Variants in GRIK2 observed in about 807,000 individuals in gnomAD.
The protein encoded by GRIK2 is glutamate receptor ionotropic, kainate 2.
GRIK2 carries 32 observed loss-of-function variants against 100.3 expected under a neutral mutation model. The ratio of observed to expected loss-of-function variants is 0.32; its 90% CI spans 0.24 to 0.43. The LOEUF is 0.43. Ranked by LOEUF, GRIK2 falls within the 20% of genes least tolerant of loss-of-function variation. The probability of loss-of-function intolerance (pLI) is 1.00; values close to 1 mark genes in which losing one functional copy is unlikely to be tolerated. For missense variants in GRIK2, 843 were observed against 1,114.9 expected, an observed-to-expected ratio of 0.76 and a Z score of 3.47; for synonymous variants, 417 against 389.4, an observed-to-expected ratio of 1.07 and a Z score of -0.83.
chr6:102,068,057 G>A (rs1056885977), intron 16 of GRIK2, among the ~76,000 whole-genome samples: 4 of 151,766 alleles, frequency 2.6e-5, no homozygotes, highest in Non-Finnish European at 5.9e-5. Flanking sequence ...TTTATATAAT[G>A]TCATAGGAAA....
At chr6:101,830,206 G>GA in intron 10 of GRIK2, among the ~76,000 whole-genome samples, 1 of 151,936 alleles carries the variant, frequency 6.6e-6, no homozygotes. Context: ...ATGGTTCTGG[G>GA]AAACTGGCTA....
rs140405803 is a variant in GRIK2 at position 101,396,433 on chromosome 6, AT to A, written c.-293-2543del. 3.1e-3 allele frequency among the ~76,000 whole-genome samples: 465 copies of A among 151,618 alleles called. 1 individual carries two copies. The highest frequency in any genetic ancestry group is 0.01 in the African/African-American group (425 of 41,364). On this transcript the variant is annotated intron_variant, in intron 1 of 16. Coordinates refer to ENST00000369134, the MANE Select transcript of GRIK2 (RefSeq NM_021956.5). ...ATTCTGAATTGTGGTCTTTCTAGCA[AT>A]TTTTTTTTGTACTGACAATCAAGTA...
At chr6:101,590,844 C>G (rs1386890673) in intron 2 of GRIK2, among the ~76,000 whole-genome samples, 1 of 151,980 alleles carries the variant, frequency 6.6e-6, no homozygotes, top group Non-Finnish European at 1.5e-5. Context: ...CTATCTTTTA[C>G]TAGTTAATAA....
intron 2 of GRIK2, among the ~76,000 whole-genome samples, chr6:101,402,625 C>A (rs1775382428): frequency 6.6e-6 from 1 of 152,220 alleles, no homozygotes; most frequent in Non-Finnish European, 1.5e-5. Context: ...CGCCTTTGAT[C>A]CTGTGTTGGG....
At chr6:101,695,039 T>C (rs2128349064) in intron 7 of GRIK2, among the ~76,000 whole-genome samples, 1 of 151,410 alleles carries the variant, frequency 6.6e-6, no homozygotes, top group South Asian at 2.1e-4. Flanking sequence ...TCTAAATTCA[T>C]ATTATCATAT....
At chr6:101,655,728 A>G (rs759872366) in intron 4 of GRIK2, among the ~76,000 whole-genome samples, 16 of 152,330 alleles carry the variant, frequency 1.1e-4, no homozygotes, top group Non-Finnish European at 2.1e-4. Context: ...TGGACATGAC[A>G]AGATAACATA....
chr6:101,399,231 C>A lies in GRIK2; in HGVS notation c.-47C>A, dbSNP rs369245315. Reference sequence around the variant, plus strand: ...TTTCTACCCGAACCCAGGAGCCGAACGCTAGATCGGGGAAGTGGGTGCCGT... The same window carrying A: ...TTTCTACCCGAACCCAGGAGCCGAAAGCTAGATCGGGGAAGTGGGTGCCGT... On this transcript the variant is annotated 5_prime_UTR_variant, in exon 2 of 17. Coordinates refer to ENST00000369134, the MANE Select transcript of GRIK2 (RefSeq NM_021956.5). 6.6e-6 allele frequency: 6 copies of A among 909,904 alleles called. No homozygotes were observed. The highest frequency in any genetic ancestry group is 2.1e-4 in the Middle Eastern group (1 of 4,696). The allele number at this position is 909,904 out of a possible 1,614,324, so 56.4% of individuals were successfully genotyped here.
intron 2 of GRIK2, among the ~76,000 whole-genome samples, chr6:101,582,143 A>G (rs969919803): frequency 6.6e-6 from 1 of 152,048 alleles, no homozygotes; most frequent in Non-Finnish European, 1.5e-5. Flanking sequence ...ATAGGTATAC[A>G]TGTGCCATGG....
intron 10 of GRIK2, among the ~76,000 whole-genome samples, chr6:101,844,082 T>C (rs1036440125): frequency 6.6e-6 from 1 of 152,180 alleles, no homozygotes; most frequent in Non-Finnish European, 1.5e-5. Flanking sequence ...TTTTTAATTT[T>C]ACAGGGTGTA....
chr6:101,913,550 G>GCTTTA (rs1304315479), intron 12 of GRIK2, among the ~76,000 whole-genome samples: 25 of 151,554 alleles, frequency 1.6e-4, no homozygotes, highest in African/African-American at 5.3e-4. Context: ...GTGAATTAAG[G>GCTTTA]CTTTAACATA....
At chr6:101,801,692 A>G (rs187345030) in intron 8 of GRIK2, among the ~76,000 whole-genome samples, 47 of 152,034 alleles carry the variant, frequency 3.1e-4, no homozygotes, top group African/African-American at 1.1e-3. Context: ...GAATGGGAAA[A>G]CTTTTTACGT....
At chr6:101,987,260 C>T (rs560346218) in intron 14 of GRIK2, among the ~76,000 whole-genome samples, 23 of 151,834 alleles carry the variant, frequency 1.5e-4, no homozygotes, top group Admixed American at 4.6e-4. Flanking sequence ...TTTGTGTGGA[C>T]GGCATTGGTG....
intron 16 of GRIK2, among the ~76,000 whole-genome samples, chr6:102,064,420 T>TTCTTTC (rs1554199457): frequency 6.7e-6 from 1 of 148,888 alleles, no homozygotes; most frequent in Non-Finnish European, 1.5e-5. Flanking sequence ...CCTCCTTTCT[T>TTCTTTC]TCTTTCTCTC....
chr6:101,955,400 C>T (rs1791852384), intron 14 of GRIK2, among the ~76,000 whole-genome samples: 1 of 152,086 alleles, frequency 6.6e-6, no homozygotes, highest in South Asian at 2.1e-4. Context: ...GTCTGTAATC[C>T]TAACACTTTG....
In GRIK2 at chr6:102,047,554, C is replaced by T. The variant is rs913557436; in HGVS notation, c.2312-7776C>T. Among the ~76,000 whole-genome samples the T allele has an allele frequency of 1.3e-5, 2 of 151,962 alleles. 1 individual carries two copies. Among genetic ancestry groups the T allele is most frequent in the African/African-American group, 4.8e-5 (2 of 41,374 alleles). ...CACAAGGTCAGGAGTTCGAGACCAG[C>T]CTGGCCAACATGGTGAAACCCCATC... On this transcript the variant is annotated intron_variant, in intron 15 of 16. Coordinates refer to ENST00000369134, the MANE Select transcript of GRIK2 (RefSeq NM_021956.5).
At chr6:101,402,100 C>T (rs947964311) in intron 2 of GRIK2, among the ~76,000 whole-genome samples, 8 of 152,188 alleles carry the variant, frequency 5.3e-5, no homozygotes, top group African/African-American at 1.9e-4. Context: ...CTCCTGTCAC[C>T]TCCTGCGAGG....
rs145868145 is a variant in GRIK2, at chr6:101,938,376, T to G, written c.2085+9744T>G. 1.1e-4 allele frequency among the ~76,000 whole-genome samples: 17 copies of G among 152,232 alleles called. No individual in the cohort carries two copies. In the East Asian group the frequency reaches 3.3e-3, roughly 29 times the overall value. Reference sequence around the variant, plus strand: ...TTACATTCTTCCCCTTAACTCCAGATAGATCAGGAAAAGGACAAAATAAAT... The same window carrying G: ...TTACATTCTTCCCCTTAACTCCAGAGAGATCAGGAAAAGGACAAAATAAAT... On this transcript the variant is annotated intron_variant, in intron 14 of 16. Coordinates refer to ENST00000369134, the MANE Select transcript of GRIK2 (RefSeq NM_021956.5).
chr6:101,545,194 G>A (rs182226654), intron 2 of GRIK2, among the ~76,000 whole-genome samples: 5 of 152,212 alleles, frequency 3.3e-5, no homozygotes, highest in Admixed American at 3.3e-4. Context: ...ATGCCACTGG[G>A]GAGATGCTTA....
At chr6:102,003,687 T>C (rs1243611005) in intron 14 of GRIK2, among the ~76,000 whole-genome samples, 1 of 151,770 alleles carries the variant, frequency 6.6e-6, no homozygotes, top group Non-Finnish European at 1.5e-5. Flanking sequence ...CTGGAAAAAA[T>C]TAGACTACAA....
Sources: allele counts gnomAD v4.1 joint callset (sites outside exome capture counted in the v4.1 genomes callset), GRCh38; gene constraint gnomAD v4.1.1; transcripts MANE v1.5; gene names NCBI Gene and HGNC (gene_info 2026-07-23, HGNC 2026-07-21).